PREX2: variants seen among roughly 807,000 people sequenced by gnomAD.
PREX2 encodes phosphatidylinositol 3,4,5-trisphosphate-dependent Rac exchanger 2 protein.
Under a neutral mutation model 203.2 loss-of-function variants are expected in PREX2, and 107 were observed. That is an observed-to-expected ratio of 0.53 (90% CI 0.45 to 0.62). The LOEUF is 0.62. PREX2 is among the 20% of genes least tolerant of loss of function. The pLI is 0.00. For missense variants in PREX2, 1,777 were observed against 1,955.9 expected (o/e 0.91, Z 1.72); for synonymous variants, 672 against 663.6 (o/e 1.01, Z -0.19).
At chr8:68,005,979 T>C (rs1187359801) in intron 1 of PREX2, among the ~76,000 whole-genome samples, 3 of 152,248 alleles carry the variant, frequency 2.0e-5, no homozygotes, top group Admixed American at 2.0e-4. Context: ...GACATATGCA[T>C]TAGTTTCCCA....
At position 68,060,688 on chromosome 8, in the gene PREX2, G is replaced by A. The variant is rs144903310; in HGVS notation, c.1248G>A (p.Val416=). The change falls in exon 11 of 40, where the codon GTG becomes GTA. Residue 416 remains valine, a synonymous_variant. Transcript: ENST00000288368. ...FPKCFLGSEF[V]SWLLEIGEIH... Reference sequence around the variant, plus strand: ...TGACTTTCTCTTGCAGCGAATTTGTGTCATGGCTGTTGGAAATTGGAGAGA... The same window carrying A: ...TGACTTTCTCTTGCAGCGAATTTGTATCATGGCTGTTGGAAATTGGAGAGA... 1 of 1,610,444 alleles carries A rather than the reference G, an allele frequency of 6.2e-7. No individual in the cohort carries two copies. Among genetic ancestry groups the A allele is most frequent in the African/African-American group, 1.3e-5 (1 of 74,728 alleles).
chr8:68,009,860 A>ACAG (rs1458006843), intron 1 of PREX2, among the ~76,000 whole-genome samples: 1 of 152,190 alleles, frequency 6.6e-6, no homozygotes, highest in Non-Finnish European at 1.5e-5. Flanking sequence ...TTCCAAAGGA[A>ACAG]CAGTCTTCTT....
chr8:68,053,443 C>G (rs112559961), intron 9 of PREX2, among the ~76,000 whole-genome samples, 197 bp downstream of exon 9: 236 of 152,236 alleles, frequency 1.6e-3, no homozygotes, highest in African/African-American at 5.5e-3. Flanking sequence ...ACGTGAGCCT[C>G]ATACTAAAAG....
intron 21 of PREX2, among the ~76,000 whole-genome samples, chr8:68,094,827 G>A (rs936732399): frequency 6.6e-6 from 1 of 152,208 alleles, no homozygotes; most frequent in Non-Finnish European, 1.5e-5. Flanking sequence ...ACACAGGTTA[G>A]GGGATCAGCC....
intron 1 of PREX2, among the ~76,000 whole-genome samples, chr8:67,977,059 C>G (rs551356983): frequency 1.3e-5 from 2 of 152,248 alleles, no homozygotes; most frequent in South Asian, 2.1e-4. Context: ...TTTGTCTCCC[C>G]CCTAAATGTA....
intron 37 of PREX2, among the ~76,000 whole-genome samples, chr8:68,199,143 GGT>G (rs1046648047): frequency 1.5e-5 from 2 of 137,418 alleles, no homozygotes; most frequent in East Asian, 5.9e-4. Context: ...GGCATGGGGG[GGT>G]TCACCAGCAC....
intron 32 of PREX2, among the ~76,000 whole-genome samples, chr8:68,136,698 T>C (rs1811119410): frequency 6.6e-6 from 1 of 152,196 alleles, no homozygotes; most frequent in Non-Finnish European, 1.5e-5. Context: ...TAAACATTTT[T>C]CCAGTACTTA....
intron 35 of PREX2, 124 bp downstream of exon 35, chr8:68,157,560 C>A: frequency 2.0e-6 from 1 of 491,164 alleles, no homozygotes; most frequent in East Asian, 3.3e-5. Context: ...ATAAATTCCT[C>A]GGATTTAGGG....
chr8:68,169,353 A>G (rs1430298740), intron 35 of PREX2, among the ~76,000 whole-genome samples: 1 of 152,026 alleles, frequency 6.6e-6, no homozygotes, highest in Non-Finnish European at 1.5e-5. Context: ...AGAATGCTGG[A>G]CAAGCAAAGT....
At chr8:68,144,974 A>G (rs568796340) in intron 33 of PREX2, among the ~76,000 whole-genome samples, 10 of 152,268 alleles carry the variant, frequency 6.6e-5, no homozygotes, top group Admixed American at 2.0e-4. Context: ...ATTGATGCCA[A>G]AGATGAAGGG....
At chr8:68,192,611 T>A in intron 37 of PREX2, 86 bp downstream of exon 37, 2 of 1,050,604 alleles carry the variant, frequency 1.9e-6, no homozygotes, top group Non-Finnish European at 1.3e-6. Context: ...TTCACAAAAT[T>A]AAAACTGGAA....
chr8:68,104,646 A>G (rs777616172), intron 23 of PREX2, among the ~76,000 whole-genome samples: 1 of 152,114 alleles, frequency 6.6e-6, no homozygotes, highest in African/African-American at 2.4e-5. Context: ...AGTTACATTT[A>G]CCATCTATCA....
At chr8:68,225,923 G>A (rs936667948) in intron 39 of PREX2, among the ~76,000 whole-genome samples, 1 of 152,164 alleles carries the variant, frequency 6.6e-6, no homozygotes, top group Non-Finnish European at 1.5e-5. Flanking sequence ...GGTGTTCTTA[G>A]CTAGACCTAT....
At chr8:68,210,059 G>A (rs1018087338) in intron 37 of PREX2, among the ~76,000 whole-genome samples, 1 of 152,140 alleles carries the variant, frequency 6.6e-6, no homozygotes, top group African/African-American at 2.4e-5. Flanking sequence ...AAGTCTAAAC[G>A]TGTATCCCTA....
chr8:68,138,201 A>G (rs1356786070), intron 32 of PREX2, among the ~76,000 whole-genome samples: 1 of 152,208 alleles, frequency 6.6e-6, no homozygotes, highest in Non-Finnish European at 1.5e-5. Flanking sequence ...AGAAAAGGGA[A>G]AATATAAAAC....
chr8:68,047,469 T>TTATATA (rs3056653), intron 8 of PREX2, among the ~76,000 whole-genome samples: 87 of 117,586 alleles, frequency 7.4e-4, no homozygotes, highest in Middle Eastern at 5.1e-3. Context: ...ATGGATGAAT[T>TTATATA]TATATATATA....
intron 5 of PREX2, among the ~76,000 whole-genome samples, chr8:68,028,400 A>G (rs550456607): frequency 6.6e-6 from 1 of 152,112 alleles, no homozygotes; most frequent in East Asian, 1.9e-4. Flanking sequence ...AACTTCACAA[A>G]ATACTCAGAA....
intron 14 of PREX2, 133 bp from the exon 15 acceptor site, chr8:68,077,264 T>A: frequency 1.5e-6 from 1 of 684,228 alleles, no homozygotes; most frequent in East Asian, 2.6e-5. Context: ...AGATGCATTC[T>A]GTCTTATAAA....
At chr8:68,129,756 A>G (rs921548022) in intron 31 of PREX2, among the ~76,000 whole-genome samples, 1 of 152,156 alleles carries the variant, frequency 6.6e-6, no homozygotes, top group African/African-American at 2.4e-5. Context: ...AGGTGCTTAA[A>G]TACTGAAATG....
Sources: allele counts gnomAD v4.1 joint callset (sites outside exome capture counted in the v4.1 genomes callset), GRCh38; gene constraint gnomAD v4.1.1; transcripts MANE v1.5; gene names NCBI Gene and HGNC (gene_info 2026-07-23, HGNC 2026-07-21).